EGF: variants seen among roughly 807,000 people sequenced by gnomAD.
EGF encodes the protein pro-epidermal growth factor.
EGF carries 95 observed loss-of-function variants against 143.8 expected under a neutral mutation model. That is an observed-to-expected ratio of 0.66 (90% CI 0.56 to 0.78). The LOEUF is 0.78. Among genes scored for constraint, EGF ranks in the 30% least tolerant of loss-of-function variants. EGF has a pLI of 0.00. For missense variants in EGF, 1,320 were observed against 1,470.9 expected (o/e 0.90, Z 1.68); for synonymous variants, 510 against 510.5 (o/e 1.00, Z 0.01).
intron 13 of EGF, among the ~76,000 whole-genome samples, chr4:109,978,577 G>A (rs958049614): frequency 3.9e-5 from 6 of 152,164 alleles, no homozygotes; most frequent in African/African-American, 1.4e-4. Flanking sequence ...GGTTTCCAGG[G>A]GATGTGGGAG....
At chr4:109,979,794 C>T (rs1749058733) in intron 13 of EGF, among the ~76,000 whole-genome samples, 178 bp from the exon 14 acceptor site, 1 of 152,182 alleles carries the variant, frequency 6.6e-6, no homozygotes, top group African/African-American at 2.4e-5. Context: ...GACGTTCCCT[C>T]CTCATGTGGG....
At chr4:109,979,901 GC>G in intron 13 of EGF, 70 bp from the exon 14 acceptor site, 1 of 1,572,310 alleles carries the variant, frequency 6.4e-7, no homozygotes, top group Non-Finnish European at 8.7e-7. Flanking sequence ...TAAATTTCAA[GC>G]CTTGTCCTTT....
chr4:109,915,398 T>C (rs1024192394), intron 1 of EGF, among the ~76,000 whole-genome samples: 3 of 152,208 alleles, frequency 2.0e-5, no homozygotes, highest in African/African-American at 7.2e-5. Flanking sequence ...AATGTCCTCC[T>C]GGGCTCCACG....
intron 18 of EGF, among the ~76,000 whole-genome samples, chr4:109,991,549 T>C (rs2126144669): frequency 6.6e-6 from 1 of 152,132 alleles, no homozygotes; most frequent in African/African-American, 2.4e-5. Flanking sequence ...TGCAGTAATG[T>C]AAAATTGAGA....
rs759276947 is a variant in EGF, at chr4:109,979,956, C to T, written c.2054-16C>T. 1.2e-6 allele frequency: 2 copies of T among 1,613,710 alleles called. No individual in the cohort carries two copies. The highest frequency in any genetic ancestry group is 1.7e-4 in the Middle Eastern group (1 of 6,050). On this transcript the variant is annotated splice_polypyrimidine_tract_variant and intron_variant, in intron 13 of 23. Coordinates refer to ENST00000265171, the MANE Select transcript of EGF (RefSeq NM_001963.6). ...AGACAAAGAAGGTGTATTTAACAAACTTGAATTGTTTCCAGGTCACCCATT... is the reference window on the plus strand; with the variant it reads ...AGACAAAGAAGGTGTATTTAACAAATTTGAATTGTTTCCAGGTCACCCATT...
intron 1 of EGF, among the ~76,000 whole-genome samples, chr4:109,935,196 T>C (rs1264711316): frequency 1.3e-5 from 2 of 152,234 alleles, no homozygotes; most frequent in African/African-American, 4.8e-5. Context: ...TCCATGAGCA[T>C]GGAATGTTCT....
At chr4:109,939,164 C>T (rs1021064486) in intron 1 of EGF, among the ~76,000 whole-genome samples, 29 of 152,242 alleles carry the variant, frequency 1.9e-4, no homozygotes, top group Admixed American at 1.8e-3. Flanking sequence ...TGTTGAGCTG[C>T]GTTGGGCTCT....
At chr4:109,967,580 G>A (rs1010791943) in intron 10 of EGF, among the ~76,000 whole-genome samples, 1 of 152,096 alleles carries the variant, frequency 6.6e-6, no homozygotes, top group Non-Finnish European at 1.5e-5. Context: ...GAAGAATGAT[G>A]TTGGCAATTT....
intron 19 of EGF, 45 bp from the exon 20 acceptor site, chr4:109,994,688 A>T: frequency 6.2e-7 from 1 of 1,604,056 alleles, no homozygotes; most frequent in South Asian, 1.1e-5. Flanking sequence ...CTTGAAAGAC[A>T]CTAATCCATT....
At chr4:109,974,856 G>T in intron 12 of EGF, 49 bp downstream of exon 12, 1 of 1,452,018 alleles carries the variant, frequency 6.9e-7, no homozygotes, top group Non-Finnish European at 9.7e-7. Context: ...TCATGTGACA[G>T]TTCATGGTTG....
intron 10 of EGF, among the ~76,000 whole-genome samples, chr4:109,967,145 A>G (rs536939811): frequency 6.6e-6 from 1 of 152,080 alleles, no homozygotes; most frequent in Non-Finnish European, 1.5e-5. Context: ...AGTTTCTTTT[A>G]GTTCTTCTTC....
Position 110,011,703 on chromosome 4 carries a change from G to A in EGF, c.*248G>A, listed in dbSNP as rs1341320145. 1.8e-6 allele frequency: 1 copy of A among 557,704 alleles called. No individual in the cohort carries two copies. Among genetic ancestry groups the A allele is most frequent in the Non-Finnish European group, 3.1e-6 (1 of 317,484 alleles). 34.5% of individuals were successfully genotyped at this position (557,704 alleles called of 1,614,324 possible). On this transcript the variant is annotated 3_prime_UTR_variant, in exon 24 of 24. Coordinates refer to ENST00000265171, the MANE Select transcript of EGF (RefSeq NM_001963.6). ...GTAACTTATTAGAAACCCAAATTGG[G>A]ACAACAGTGCTTTGTAAATTGTGTT...
chr4:109,979,349 G>T (rs370365621), intron 13 of EGF, among the ~76,000 whole-genome samples: 1 of 152,048 alleles, frequency 6.6e-6, no homozygotes, highest in Non-Finnish European at 1.5e-5. Flanking sequence ...TAAGAGAAAG[G>T]GGGTGGTCGT....
At position 109,961,951 on chromosome 4, in the gene EGF, C is replaced by T; in HGVS notation, c.1278C>T (p.Gly426=). The T allele has an allele frequency of 6.2e-7, 1 of 1,613,906 alleles. No homozygotes were observed. The highest frequency in any genetic ancestry group is 8.5e-7 in the Non-Finnish European group (1 of 1,179,836). ...GTCCCTTATGTTTCTGTCCTGAAGG[C>T]TCAGTGCTTGAGAGAGATGGGAAAA... is the stretch of plus-strand genomic sequence containing the variant. The part of the protein sequence containing the change: ...SEGPLCFCPE[G]SVLERDGKTC... Residue 426 remains glycine, a synonymous_variant, in exon 8 of 24, where the codon GGC becomes GGT. Transcript: ENST00000265171.
At chr4:110,009,507 G>A (rs545675020) in intron 23 of EGF, among the ~76,000 whole-genome samples, 76 of 152,136 alleles carry the variant, frequency 5.0e-4, no homozygotes, top group Non-Finnish European at 4.7e-4. Flanking sequence ...ACTTAGAAAA[G>A]AACTAAGGAC....
Position 110,004,501 on chromosome 4 carries a change from A to G in EGF, c.3174-4A>G, listed in dbSNP as rs756901316. On this transcript the variant is annotated splice_polypyrimidine_tract_variant and splice_region_variant and intron_variant, in intron 21 of 23. Coordinates refer to ENST00000265171, the MANE Select transcript of EGF (RefSeq NM_001963.6). ...GATTGTCTCAAATTTTGGCTTTATC[A>G]CAGGACTCAGAAGCTGCTATCGAAA... The G allele has an allele frequency of 1.9e-6, 3 of 1,613,734 alleles. No homozygotes were observed. Among genetic ancestry groups the G allele is most frequent in the Admixed American group, 1.7e-5 (1 of 59,964 alleles).
In EGF at chr4:110,012,541, G is replaced by C. The variant is rs964398952; in HGVS notation, c.*1086G>C. 6.6e-6 allele frequency among the ~76,000 whole-genome samples: 1 copy of C among 151,870 alleles called. No homozygotes were observed. Among genetic ancestry groups the C allele is most frequent in the Admixed American group, 6.6e-5 (1 of 15,250 alleles). The stretch of plus-strand genomic sequence containing the variant: ...GGCACAGGCCACCATGCCTGGCTAA[G>C]GTTTTTATTTTTATTTTTTGTAGAC... On this transcript the variant is annotated 3_prime_UTR_variant, in exon 24 of 24. Transcript: ENST00000265171.
Position 109,960,969 on chromosome 4 carries a change from C to T in EGF, c.1169C>T (p.Pro390Leu). Reference sequence around the variant, plus strand: ...TGCCCTGTAGGATTTGTTCTGCTTCCTGATGGGAAACGATGTCATCGTAAG... The same window carrying T: ...TGCCCTGTAGGATTTGTTCTGCTTCTTGATGGGAAACGATGTCATCGTAAG... ...CTCPVGFVLL[P>L]DGKRCHQLVS... The change falls in exon 7 of 24, where the codon CCT (proline) becomes CTT (leucine). Residue 390 changes from proline (P) to leucine (L), a missense_variant. Coordinates refer to ENST00000265171, the MANE Select transcript of EGF (RefSeq NM_001963.6). 1 of 1,613,872 alleles carries T rather than the reference C, an allele frequency of 6.2e-7. No individual in the cohort carries two copies. Among genetic ancestry groups the T allele is most frequent in the South Asian group, 1.1e-5 (1 of 91,072 alleles).
intron 3 of EGF, 74 bp downstream of exon 3, chr4:109,943,509 A>T: frequency 2.6e-6 from 4 of 1,517,160 alleles, no homozygotes; most frequent in African/African-American, 1.4e-5. Context: ...ATAACATTGT[A>T]AATTCAAAGG....
Sources: gnomAD v4.1 joint callset for allele counts (sites outside exome capture counted in the v4.1 genomes callset) on GRCh38, gnomAD v4.1.1 for gene constraint, MANE v1.5 for transcripts, NCBI Gene and HGNC (gene_info 2026-07-23, HGNC 2026-07-21) for gene names.